The following CPT2 variants were observed in gnomAD, a reference collection of about 807,000 sequenced individuals.
CPT2 encodes carnitine O-palmitoyltransferase 2, mitochondrial.
In CPT2, 37 loss-of-function variants were observed where a neutral mutation model predicts 48.6. That is an observed-to-expected ratio of 0.76 (90% CI 0.59 to 1.00). The LOEUF (loss-of-function observed/expected upper bound fraction) is 1.00, where lower values mean the gene tolerates loss of function less well. Among genes scored for constraint, CPT2 ranks in the 50% least tolerant of loss-of-function variants. CPT2 has a pLI of 0.00. For synonymous variants in CPT2, 319 were observed against 326.9 expected, an observed-to-expected ratio of 0.98 and a Z score of 0.26; for missense variants, 772 against 825.6, an observed-to-expected ratio of 0.94 and a Z score of 0.80.
chr1:53,208,255 C>T (rs918479947), intron 3 of CPT2: 1 of 152,202 alleles, frequency 6.6e-6, no homozygotes, highest in African/African-American at 2.4e-5. Flanking sequence ...ATCCCCTGGA[C>T]CAAGGCCTGG....
intron 4 of CPT2, chr1:53,212,765 T>C: frequency 2.4e-6 from 1 of 411,470 alleles, no homozygotes. Context: ...TAATCTTCTC[T>C]TCCTCCATTT....
At chr1:53,204,341 A>T (rs1645372956) in intron 3 of CPT2, 2 of 151,396 alleles carry the variant, frequency 1.3e-5, no homozygotes, top group Non-Finnish European at 2.9e-5. Context: ...TAATCTCTCA[A>T]CCTGTTTTTA....
At chr1:53,206,207 A>G (rs1228545218) in intron 3 of CPT2, among the ~76,000 whole-genome samples, 2 of 150,890 alleles carry the variant, frequency 1.3e-5, no homozygotes, top group African/African-American at 4.9e-5. Flanking sequence ...AAAAAAAGAG[A>G]CAACCTCCTC....
At chr1:53,200,419 G>C (rs1645347112) in intron 1 of CPT2, 1 of 343,450 alleles carries the variant, frequency 2.9e-6, no homozygotes, top group Non-Finnish European at 5.6e-6. Context: ...TTATCATTGT[G>C]ACCAGAAAAC....
At chr1:53,213,061 CATAAT>C (rs1645439778) in intron 4 of CPT2, 198 bp from the exon 5 acceptor site, 3 of 608,346 alleles carry the variant, frequency 4.9e-6, no homozygotes, top group Admixed American at 2.9e-5. Flanking sequence ...TGTAACATGA[CATAAT>C]ATATTTCCTA....
At chr1:53,209,442 A>G (rs1356435368) in intron 3 of CPT2, 1 of 158,532 alleles carries the variant, frequency 6.3e-6, no homozygotes, top group African/African-American at 2.4e-5. Context: ...TAAACAAAAT[A>G]TAGTATATCC....
rs1464725701 is a variant in CPT2, at chr1:53,213,718, C to G, written c.*123C>G. 1.6e-5 allele frequency: 15 copies of G among 914,842 alleles called. No individual in the cohort carries two copies. The highest frequency in any genetic ancestry group is 2.2e-5 in the Non-Finnish European group (13 of 586,640). The allele number at this position is 914,842 out of a possible 1,614,324, so 56.7% of individuals were successfully genotyped here. On this transcript the variant is annotated 3_prime_UTR_variant, in exon 5 of 5. Transcript: ENST00000371486. ...CTGAGGCGGGTGGATCACTTGAGGTCAGGAGTTTGAGACCAACCTGGCCAA... is the reference window on the plus strand; with the variant it reads ...CTGAGGCGGGTGGATCACTTGAGGTGAGGAGTTTGAGACCAACCTGGCCAA...
chr1:53,200,838 G>C (rs201176842), intron 2 of CPT2, 39 bp downstream of exon 2: 1 of 1,517,408 alleles, frequency 6.6e-7, no homozygotes, highest in East Asian at 2.3e-5. Flanking sequence ...AGTTGGGGTG[G>C]TTCAAGACAG....
intron 1 of CPT2, among the ~76,000 whole-genome samples, chr1:53,197,867 C>T (rs1226812398): frequency 1.3e-5 from 2 of 152,092 alleles, no homozygotes; most frequent in Admixed American, 6.5e-5. Context: ...GTACCCCATC[C>T]ACACTCCATC....
intron 1 of CPT2, among the ~76,000 whole-genome samples, chr1:53,197,730 C>T (rs1429627317): frequency 6.6e-6 from 1 of 152,010 alleles, no homozygotes; most frequent in African/African-American, 2.4e-5. Flanking sequence ...ATCCAGTGTT[C>T]ACCCGGAAAC....
intron 4 of CPT2, 91 bp from the exon 5 acceptor site, chr1:53,213,173 G>A: frequency 7.9e-7 from 1 of 1,271,776 alleles, no homozygotes; most frequent in Non-Finnish European, 1.1e-6. Context: ...AGGATGCTGT[G>A]AGGGGTATTC....
chr1:53,202,554 C>T (rs1645360481), intron 3 of CPT2, 125 bp downstream of exon 3: 1 of 768,996 alleles, frequency 1.3e-6, no homozygotes, highest in African/African-American at 1.7e-5. Flanking sequence ...AGTAACGTCT[C>T]ATCCTCCCTT....
intron 1 of CPT2, among the ~76,000 whole-genome samples, chr1:53,199,154 G>A (rs779599736): frequency 6.6e-5 from 10 of 152,026 alleles, no homozygotes; most frequent in South Asian, 4.2e-4. Context: ...TCTGCCTCCC[G>A]GGTTCAAAGG....
Position 53,210,223 on chromosome 1 carries a change from T to G in CPT2, c.549T>G (p.Ser183Arg), listed in dbSNP as rs1276129117. Residue 183 changes from serine (S) to arginine (R), a missense_variant, in exon 4 of 5, where the codon AGT (serine) becomes AGG (arginine). Physicochemically the swap from Ser to Arg is moderately radical, Grantham distance 110. Transcript: ENST00000371486. ...TGTTCCACTTGAACCCTGCAAAAAG[T>G]GACACTATCACCTTCAAGAGACTCA... is the stretch of plus-strand genomic sequence containing the variant. The part of the protein sequence containing the change: ...PEVFHLNPAK[S>R]DTITFKRLIR... 3 of 1,614,044 alleles carry G rather than the reference T, an allele frequency of 1.9e-6. No homozygotes were observed. The highest frequency in any genetic ancestry group is 1.7e-6 in the Non-Finnish European group (2 of 1,179,934).
intron 3 of CPT2, among the ~76,000 whole-genome samples, chr1:53,204,471 G>T (rs1476974693): frequency 6.6e-6 from 1 of 151,592 alleles, no homozygotes; most frequent in African/African-American, 2.4e-5. Flanking sequence ...TTCATAGTCT[G>T]TTGCCTCCAA....
chr1:53,213,669 C>T lies in CPT2; in HGVS notation c.*74C>T. 7.4e-7 allele frequency: 1 copy of T among 1,360,332 alleles called. No individual in the cohort carries two copies. The highest frequency in any genetic ancestry group is 2.4e-5 in the East Asian group (1 of 41,762). The allele number at this position is 1,360,332 out of a possible 1,614,324, so 84.3% of individuals were successfully genotyped here. ...GGAGGCCGGGCATGGTGGCTCATGC[C>T]TGTAATCCCAGCATTTTGAGAGGCT... On this transcript the variant is annotated 3_prime_UTR_variant, in exon 5 of 5. Coordinates refer to ENST00000371486, the MANE Select transcript of CPT2 (RefSeq NM_000098.3).
rs1645440784 is a variant in CPT2 at position 53,213,206 on chromosome 1, G to A, written c.1646-58G>A. ...TTCCTACCATGTGGTGAGTTGGGAG[G>A]TTTTCCTGAGGTCCTTTTCCATCCT... On this transcript the variant is annotated intron_variant, in intron 4 of 4. Transcript: ENST00000371486. 16 of 1,586,962 alleles carry A rather than the reference G, an allele frequency of 1.0e-5. 1 individual carries two copies. Among genetic ancestry groups the A allele is most frequent in the South Asian group, 1.0e-4 (9 of 90,226 alleles).
At chr1:53,207,635 G>T (rs1208520133) in intron 3 of CPT2, 1 of 152,262 alleles carries the variant, frequency 6.6e-6, no homozygotes, top group East Asian at 1.9e-4. Context: ...CTAATTTTTT[G>T]TATTTTTAGC....
chr1:53,202,221 G>A, intron 2 of CPT2, 102 bp from the exon 3 acceptor site: 1 of 828,440 alleles, frequency 1.2e-6, no homozygotes, highest in Admixed American at 1.9e-5. Flanking sequence ...TTAGGGCTAT[G>A]CTGTTGGGGA....
Sources: gnomAD v4.1 joint callset for allele counts (sites outside exome capture counted in the v4.1 genomes callset) on GRCh38, gnomAD v4.1.1 for gene constraint, MANE v1.5 for transcripts, NCBI Gene and HGNC (gene_info 2026-07-23, HGNC 2026-07-21) for gene names.